Variants in CPNE4 observed in about 807,000 individuals in gnomAD.
The protein encoded by CPNE4 is copine-4.
CPNE4 carries 25 observed loss-of-function variants against 67.9 expected under a neutral mutation model. That is an observed-to-expected ratio of 0.37 (90% CI 0.27 to 0.51). The LOEUF (loss-of-function observed/expected upper bound fraction) is 0.51. Among genes scored for constraint, CPNE4 ranks in the 20% least tolerant of loss-of-function variants. The pLI is 0.93. For synonymous variants in CPNE4, 242 were observed against 244.9 expected (o/e 0.99, Z 0.11); for missense variants, 464 against 690.8 (o/e 0.67, Z 3.68).
chr3:131,747,799 T>A (rs1438939250), intron 2 of CPNE4, among the ~76,000 whole-genome samples: 7 of 152,200 alleles, frequency 4.6e-5, no homozygotes, highest in Non-Finnish European at 1.0e-4. Context: ...CATATGTAAA[T>A]AGGAACAGTT....
chr3:131,607,521 C>A (rs1338193495), intron 7 of CPNE4, among the ~76,000 whole-genome samples: 1 of 152,148 alleles, frequency 6.6e-6, no homozygotes, highest in Non-Finnish European at 1.5e-5. Context: ...TTAGAAATTT[C>A]TTCTGGCTAT....
intron 1 of CPNE4, among the ~76,000 whole-genome samples, chr3:132,029,520 T>A (rs1418922786): frequency 6.6e-6 from 1 of 152,130 alleles, no homozygotes; most frequent in African/African-American, 2.4e-5. Context: ...AGTCCGTCCT[T>A]CTAGACTCAC....
At chr3:131,798,135 C>A (rs1485304269) in intron 2 of CPNE4, among the ~76,000 whole-genome samples, 1 of 152,150 alleles carries the variant, frequency 6.6e-6, no homozygotes, top group African/African-American at 2.4e-5. Context: ...GCCTTATCTT[C>A]AAATACCATC....
intron 1 of CPNE4, among the ~76,000 whole-genome samples, chr3:132,034,113 C>T (rs1367915086): frequency 6.6e-6 from 1 of 152,150 alleles, no homozygotes; most frequent in African/African-American, 2.4e-5. Context: ...CCAACCGCAG[C>T]CAGGTCAAGC....
chr3:132,035,172 C>G, upstream of CPNE4: 2 of 458,016 alleles, frequency 4.4e-6, no homozygotes, highest in South Asian at 1.8e-4. Flanking sequence ...TCCTGCCGCG[C>G]CCGCAGTCTG....
intron 9 of CPNE4, among the ~76,000 whole-genome samples, chr3:131,577,540 CTT>C (rs1274104508): frequency 1.3e-5 from 2 of 152,058 alleles, no homozygotes; most frequent in African/African-American, 4.8e-5. Context: ...AACTGTAAGT[CTT>C]TGTGTATCTA....
intron 9 of CPNE4, among the ~76,000 whole-genome samples, chr3:131,575,633 T>G (rs1189205762): frequency 6.6e-6 from 1 of 152,166 alleles, no homozygotes. Context: ...ATGACTAACA[T>G]TTATTGGGCA....
At chr3:131,871,726 A>G (rs1181753588) in intron 2 of CPNE4, among the ~76,000 whole-genome samples, 2 of 152,170 alleles carry the variant, frequency 1.3e-5, no homozygotes, top group African/African-American at 4.8e-5. Flanking sequence ...GACCCTTAAC[A>G]TTCGAGAAAA....
In CPNE4 at chr3:131,950,915, A is replaced by G. The variant is rs575632019; in HGVS notation, c.-1-45471T>C. 2.6e-5 allele frequency among the ~76,000 whole-genome samples: 4 copies of G among 152,320 alleles called. No homozygotes were observed. The East Asian group carries it at 7.7e-4, about 29-fold the overall frequency. ...ATTTGTTTACATTTGGATTTATTAG[A>G]TTACTAAAGAGACTGAGCATCTCAT... is the stretch of plus-strand genomic sequence containing the variant. On this transcript the variant is annotated intron_variant, in intron 1 of 15. Transcript: ENST00000429747.
At chr3:131,774,892 G>C (rs976762036) in intron 2 of CPNE4, among the ~76,000 whole-genome samples, 3 of 152,078 alleles carry the variant, frequency 2.0e-5, no homozygotes, top group African/African-American at 7.2e-5. Flanking sequence ...CAAGCCAACT[G>C]TTAAACAGCA....
chr3:131,691,172 A>G (rs1178606561), intron 5 of CPNE4, among the ~76,000 whole-genome samples: 2 of 152,214 alleles, frequency 1.3e-5, no homozygotes, highest in Non-Finnish European at 2.9e-5. Context: ...TTAAAACAGA[A>G]CTACCGTTCA....
chr3:131,826,397 T>G (rs1311864787), intron 2 of CPNE4, among the ~76,000 whole-genome samples: 1 of 152,082 alleles, frequency 6.6e-6, no homozygotes, highest in East Asian at 1.9e-4. Flanking sequence ...GGGGTCTCAC[T>G]ATATTGCCCA....
At chr3:131,918,717 GT>G (rs927570974) in intron 1 of CPNE4, among the ~76,000 whole-genome samples, 1 of 152,002 alleles carries the variant, frequency 6.6e-6, no homozygotes, top group Non-Finnish European at 1.5e-5. Flanking sequence ...ACATAAAACA[GT>G]TTTTTTGTAA....
At chr3:131,594,014 G>T (rs1163034763) in intron 7 of CPNE4, among the ~76,000 whole-genome samples, 1 of 152,124 alleles carries the variant, frequency 6.6e-6, no homozygotes, top group Non-Finnish European at 1.5e-5. Context: ...CACCACGCCT[G>T]CCCGGCCTTC....
intron 2 of CPNE4, among the ~76,000 whole-genome samples, chr3:131,824,674 T>C (rs2085085814): frequency 6.6e-6 from 1 of 152,194 alleles, no homozygotes; most frequent in Non-Finnish European, 1.5e-5. Context: ...ATTAAGCATA[T>C]GAATCCTTTC....
At chr3:131,826,456 T>C (rs1169717820) in intron 2 of CPNE4, among the ~76,000 whole-genome samples, 1 of 152,142 alleles carries the variant, frequency 6.6e-6, no homozygotes, top group East Asian at 1.9e-4. Flanking sequence ...CCTCAGCCTG[T>C]CAAAATGTTG....
intron 2 of CPNE4, among the ~76,000 whole-genome samples, chr3:131,861,535 G>A (rs528711538): frequency 4.7e-4 from 72 of 151,812 alleles, no homozygotes; most frequent in Non-Finnish European, 9.1e-4. Context: ...GGTTCAAGCG[G>A]TTCTCCTGCC....
At chr3:131,696,512 C>T (rs747501366) in intron 5 of CPNE4, 30 bp downstream of exon 5, 51 of 1,600,450 alleles carry the variant, frequency 3.2e-5, no homozygotes, top group Non-Finnish European at 4.0e-5. Flanking sequence ...TTGTTACTTC[C>T]TTCAATAAGG....
chr3:131,948,520 A>G (rs1393390542), intron 1 of CPNE4, among the ~76,000 whole-genome samples: 1 of 152,132 alleles, frequency 6.6e-6, no homozygotes, highest in African/African-American at 2.4e-5. Flanking sequence ...ACTAATACAG[A>G]TGTTATTGTA....
Sources: allele counts gnomAD v4.1 joint callset (sites outside exome capture counted in the v4.1 genomes callset), GRCh38; gene constraint gnomAD v4.1.1; transcripts MANE v1.5; gene names NCBI Gene and HGNC (gene_info 2026-07-23, HGNC 2026-07-21).